The following ATP5PO variants were observed in gnomAD, a reference collection of about 807,000 sequenced individuals.
ATP5PO encodes ATP synthase peripheral stalk subunit OSCP, mitochondrial.
In ATP5PO, 14 loss-of-function variants were observed where a neutral mutation model predicts 26.2. That is an observed-to-expected ratio of 0.53 (90% CI 0.35 to 0.83). The LOEUF (loss-of-function observed/expected upper bound fraction) is 0.83. Ranked by LOEUF, ATP5PO falls within the 40% of genes least tolerant of loss-of-function variation. ATP5PO has a pLI of 0.01. For synonymous variants in ATP5PO, 106 were observed against 95.1 expected (o/e 1.12, Z -0.67); for missense variants, 241 against 258.5 (o/e 0.93, Z 0.46).
chr21:33,909,196 G>T lies in ATP5PO; in HGVS notation c.214C>A (p.Pro72Thr), dbSNP rs774773974. The T allele has an allele frequency of 6.2e-6, 10 of 1,612,630 alleles. No homozygotes were observed. In the African/African-American group the frequency reaches 1.1e-4, roughly 17 times the overall value. ...TTCAAAACAGAAGCAGCCACTTTGG[G>T]TTCCTTCAGGATTTGCTGAAAGCAT... ...LLRVAQILKE[P>T]KVAASVLNPY... The change falls in exon 4 of 7, where the codon CCC (proline) becomes ACC (threonine). Residue 72 changes from proline (P) to threonine (T), a missense_variant. Pro to Thr is a conservative substitution (Grantham distance 38, BLOSUM62 -1). Coordinates refer to ENST00000290299, the MANE Select transcript of ATP5PO (RefSeq NM_001697.3).
chr21:33,912,809 C>T (rs568780454), intron 2 of ATP5PO, among the ~76,000 whole-genome samples: 21 of 152,296 alleles, frequency 1.4e-4, no homozygotes, highest in African/African-American at 5.1e-4. Context: ...GCTAGGAAAA[C>T]AGGTGTTTAT....
At position 33,909,156 on chromosome 21, in the gene ATP5PO, C is replaced by A. The variant is rs559600046; in HGVS notation, c.254G>T (p.Arg85Leu). The change falls in exon 4 of 7, where the codon CGT (arginine) becomes CTT (leucine). Residue 85 changes from arginine (R) to leucine (L), a missense_variant. Physicochemically the swap from Arg to Leu is moderately radical, Grantham distance 102. Coordinates refer to ENST00000290299, the MANE Select transcript of ATP5PO (RefSeq NM_001697.3). ...AASVLNPYVK[R>L]SIKVKSLNDI... ...ATTTAGGCTTTTCACTTTAATGGAA[C>A]GCTTCACATAGGGATTCAAAACAGA... is the stretch of plus-strand genomic sequence containing the variant. The A allele has an allele frequency of 1.5e-5, 24 of 1,613,594 alleles. No individual in the cohort carries two copies. In the Admixed American group the frequency reaches 1.8e-4, roughly 12 times the overall value.
intron 5 of ATP5PO, chr21:33,906,825 T>A (rs779933602): frequency 2.4e-5 from 11 of 451,638 alleles, no homozygotes; most frequent in Admixed American, 7.1e-5. Context: ...TCCATCACTA[T>A]AAAAAACACA....
chr21:33,907,433 G>A lies in ATP5PO; in HGVS notation c.349C>T (p.Arg117Ter), dbSNP rs763737878. The A allele has an allele frequency of 9.3e-6, 15 of 1,613,982 alleles. No individual in the cohort carries two copies. The highest frequency in any genetic ancestry group is 1.6e-4 in the Middle Eastern group (1 of 6,062). ...ACGACTCCTTGGGTATTGCTTAATC[G>A]ACCATTTTCAGCAAGCAAATCTGCC... ...NLINLLAENG[R>*]LSNTQGVVSA... The change falls in exon 5 of 7, where the codon CGA becomes TGA. Residue 117 changes from arginine to a stop codon, truncating the protein, a stop_gained. Transcript: ENST00000290299. LOFTEE classifies it high-confidence loss of function.
At chr21:33,906,259 C>T (rs528940633) in intron 5 of ATP5PO, among the ~76,000 whole-genome samples, 1 of 152,268 alleles carries the variant, frequency 6.6e-6, no homozygotes, top group East Asian at 1.9e-4. Context: ...GCTACGAATT[C>T]CAAGTCAATC....
rs376092149 is a variant in ATP5PO, at chr21:33,915,782, A to G, written c.-19T>C. 23 of 1,563,510 alleles carry G rather than the reference A, an allele frequency of 1.5e-5. No homozygotes were observed. The highest frequency in any genetic ancestry group is 2.0e-5 in the Non-Finnish European group (23 of 1,155,144). ...CAGCCATCTTCTCCCGGGCGGCTGT[A>G]GGTCAAACCCGAGTGGGAAGAGAGA... On this transcript the variant is annotated 5_prime_UTR_variant, in exon 1 of 7. Coordinates refer to ENST00000290299, the MANE Select transcript of ATP5PO (RefSeq NM_001697.3).
chr21:33,907,542 GA>G, intron 4 of ATP5PO, 89 bp from the exon 5 acceptor site: 1 of 1,152,460 alleles, frequency 8.7e-7, no homozygotes, highest in South Asian at 1.3e-5. Context: ...AACAAACTTA[GA>G]TTTGTGGCCT....
intron 6 of ATP5PO, 84 bp downstream of exon 6, chr21:33,903,851 T>C: frequency 7.9e-7 from 1 of 1,266,210 alleles, no homozygotes; most frequent in South Asian, 1.4e-5. Flanking sequence ...TAGAGTTAGA[T>C]CTAATATTTC....
At chr21:33,912,453 G>T in intron 2 of ATP5PO, 54 bp from the exon 3 acceptor site, 1 of 1,277,376 alleles carries the variant, frequency 7.8e-7, no homozygotes, top group Non-Finnish European at 1.1e-6. Context: ...TCAGTTAATA[G>T]TATACTCTCA....
At chr21:33,909,980 G>A (rs548511001) in intron 3 of ATP5PO, among the ~76,000 whole-genome samples, 2 of 152,318 alleles carry the variant, frequency 1.3e-5, no homozygotes, top group Non-Finnish European at 2.9e-5. Flanking sequence ...ATTCTGTGAG[G>A]CCTCTGGTGC....
In ATP5PO at chr21:33,905,918, G is replaced by GAAAAAAAA. The variant is rs59334506; in HGVS notation, c.441+1415_441+1422dup. Among the ~76,000 whole-genome samples the GAAAAAAAA allele has an allele frequency of 1.7e-3, 170 of 98,424 alleles. 8 individuals carry two copies. Among genetic ancestry groups the GAAAAAAAA allele is most frequent in the Middle Eastern group, 0.013 (2 of 152 alleles). 64.6% of individuals were successfully genotyped at this position (98,424 alleles called of 152,430 possible). A position where few individuals can be genotyped will look rare whatever the true frequency, so the allele number is the denominator to read the frequency against. ...CAGAGTGAGACTCAGTCTCAAAAAA[G>GAAAAAAAA]AAAAAAAAAAAAAAAAAAAAGAAAA... On this transcript the variant is annotated intron_variant, in intron 5 of 6. Coordinates refer to ENST00000290299, the MANE Select transcript of ATP5PO (RefSeq NM_001697.3).
chr21:33,914,396 T>C (rs1431143702), intron 2 of ATP5PO, 54 bp downstream of exon 2: 2 of 1,555,766 alleles, frequency 1.3e-6, no homozygotes, highest in Non-Finnish European at 8.8e-7. Context: ...GTACTGCTGT[T>C]TGACTCACAC....
At chr21:33,909,709 T>C (rs1186645581) in intron 3 of ATP5PO, among the ~76,000 whole-genome samples, 1 of 152,250 alleles carries the variant, frequency 6.6e-6, no homozygotes, top group East Asian at 1.9e-4. Flanking sequence ...TTATATAGAA[T>C]GATGTTCCTC....
chr21:33,908,839 T>G, intron 4 of ATP5PO: 2 of 399,482 alleles, frequency 5.0e-6, no homozygotes, highest in Non-Finnish European at 8.8e-6. Context: ...AACTACTGAC[T>G]ATACAATTAG....
intron 4 of ATP5PO, chr21:33,908,878 C>T (rs1048278171): frequency 2.7e-5 from 14 of 526,358 alleles, no homozygotes; most frequent in South Asian, 8.8e-5. Flanking sequence ...ATCCTTTAGA[C>T]GATGCTCCTC....
At chr21:33,912,776 TAGAC>T (rs1220642612) in intron 2 of ATP5PO, among the ~76,000 whole-genome samples, 3 of 152,256 alleles carry the variant, frequency 2.0e-5, no homozygotes, top group African/African-American at 4.8e-5. Context: ...TGAACACTGA[TAGAC>T]AGTTTCGAGT....
intron 5 of ATP5PO, 129 bp from the exon 6 acceptor site, chr21:33,904,150 G>T: frequency 1.4e-6 from 1 of 713,806 alleles, no homozygotes. Flanking sequence ...GGCCCATCAT[G>T]GAGCTGCTCT....
chr21:33,914,846 T>C (rs1602776571), intron 1 of ATP5PO: 1 of 202,116 alleles, frequency 4.9e-6, no homozygotes, highest in Non-Finnish European at 1.0e-5. Context: ...AACAGACCCT[T>C]GAGCAGATCA....
At chr21:33,912,209 T>G (rs937886291) in intron 3 of ATP5PO, 80 bp downstream of exon 3, 20 of 1,221,430 alleles carry the variant, frequency 1.6e-5, no homozygotes, top group Non-Finnish European at 2.2e-5. Context: ...AGGATACACC[T>G]CATTAGGAAT....
Sources: gnomAD v4.1 joint callset for allele counts (sites outside exome capture counted in the v4.1 genomes callset) on GRCh38, gnomAD v4.1.1 for gene constraint, MANE v1.5 for transcripts, NCBI Gene and HGNC (gene_info 2026-07-23, HGNC 2026-07-21) for gene names.